CCNB2: variants seen among roughly 807,000 people sequenced by gnomAD.
CCNB2 encodes the protein G2/mitotic-specific cyclin-B2.
In CCNB2, 39 loss-of-function variants were observed where a neutral mutation model predicts 51.1. The ratio of observed to expected loss-of-function variants is 0.76; its 90% confidence interval spans 0.59 to 1.00. The LOEUF is 1.00. Among genes scored for constraint, CCNB2 ranks in the 50% least tolerant of loss-of-function variants. CCNB2 has a pLI of 0.00. For synonymous variants in CCNB2, 174 were observed against 165.5 expected (o/e 1.05, Z -0.40); for missense variants, 472 against 470.3 (o/e 1.00, Z -0.03).
chr15:59,111,860 T>C (rs537705218), intron 3 of CCNB2, among the ~76,000 whole-genome samples: 168 of 140,794 alleles, frequency 1.2e-3, no homozygotes, highest in East Asian at 0.01. Flanking sequence ...TTCTTTCTTT[T>C]TTTTTTTTTT....
At chr15:59,105,763 G>A (rs28383495) in intron 1 of CCNB2, among the ~76,000 whole-genome samples, 4,966 of 152,290 alleles carry the variant, frequency 0.033, 139 homozygotes, top group African/African-American at 0.073. Flanking sequence ...GTTTCATCAG[G>A]CAACTGCCAG....
intron 8 of CCNB2, 170 bp from the exon 9 acceptor site, chr15:59,124,579 TTAATGGGGATGGAAGGAA>T (rs2079317282): frequency 3.4e-6 from 2 of 591,600 alleles, no homozygotes; most frequent in Non-Finnish European, 6.0e-6. Flanking sequence ...GTTTTATTCA[TTAATGGGGATGGAAGGAA>T]ATGGTCAGGC....
intron 3 of CCNB2, 146 bp from the exon 4 acceptor site, chr15:59,114,298 C>G (rs753672822): frequency 6.8e-6 from 4 of 584,800 alleles, no homozygotes; most frequent in Non-Finnish European, 1.2e-5. Context: ...CATACTATAT[C>G]TTGAATTATT....
intron 5 of CCNB2, 56 bp from the exon 6 acceptor site, chr15:59,116,634 C>A: frequency 7.9e-7 from 1 of 1,270,762 alleles, no homozygotes. Flanking sequence ...CTTCTCCCAC[C>A]TAAAGCTTCA....
chr15:59,117,317 AGC>A lies in CCNB2; in HGVS notation c.925_926del (p.Ala309SerfsTer30), dbSNP rs2079283312. On this transcript the variant is annotated frameshift_variant, in exon 7 of 9. Coordinates refer to ENST00000288207, the MANE Select transcript of CCNB2 (RefSeq NM_004701.4). LOFTEE classifies it high-confidence loss of function. ...TGGTGCATTATCATCCTTCTAAGGT[AGC>A]AGCAGCTGCTTCCTGCTTGTCTCAG... ...DMVHYHPSKV[A>X]AAASCLSQKV... The A allele has an allele frequency of 6.2e-7, 1 of 1,613,986 alleles. No homozygotes were observed. Among genetic ancestry groups the A allele is most frequent in the East Asian group, 2.2e-5 (1 of 44,876 alleles).
intron 1 of CCNB2, among the ~76,000 whole-genome samples, chr15:59,106,812 G>A (rs761321461): frequency 5.3e-5 from 8 of 152,138 alleles, no homozygotes; most frequent in Non-Finnish European, 1.2e-4. Context: ...TCTTATTTGT[G>A]AAATGGCATA....
At chr15:59,107,706 G>A (rs1441325398) in intron 3 of CCNB2, 36 bp downstream of exon 3, 2 of 1,549,280 alleles carry the variant, frequency 1.3e-6, no homozygotes, top group South Asian at 2.2e-5. Context: ...TATTTAATGA[G>A]GTAGCCTGTT....
intron 6 of CCNB2, 117 bp downstream of exon 6, chr15:59,117,043 C>T: frequency 1.0e-6 from 1 of 991,374 alleles, no homozygotes; most frequent in Non-Finnish European, 1.5e-6. Context: ...AGTCTTAATG[C>T]TTTCCTCATC....
chr15:59,117,158 C>T (rs2079282521), intron 6 of CCNB2, 70 bp from the exon 7 acceptor site: 4 of 1,513,368 alleles, frequency 2.6e-6, no homozygotes, highest in South Asian at 1.1e-5. Context: ...GTTCCTAGGC[C>T]TTCACGCAGA....
intron 7 of CCNB2, among the ~76,000 whole-genome samples, chr15:59,119,587 T>C (rs1371763466): frequency 2.0e-5 from 3 of 152,202 alleles, no homozygotes; most frequent in Admixed American, 1.3e-4. Context: ...AGTAGGTTCA[T>C]TGTTAATAGT....
At chr15:59,110,819 A>T (rs186103636) in intron 3 of CCNB2, among the ~76,000 whole-genome samples, 2 of 152,138 alleles carry the variant, frequency 1.3e-5, no homozygotes, top group African/African-American at 4.8e-5. Context: ...GGTTTTGGAG[A>T]AAATGGTGTT....
chr15:59,109,343 G>T (rs1344729347), intron 3 of CCNB2, among the ~76,000 whole-genome samples: 1 of 152,100 alleles, frequency 6.6e-6, no homozygotes, highest in Non-Finnish European at 1.5e-5. Flanking sequence ...ATTTCAAATG[G>T]TTATTCTCCA....
In CCNB2 at chr15:59,123,531, G is replaced by A; in HGVS notation, c.990G>A (p.Gln330=). 10 of 1,610,142 alleles carry A rather than the reference G, an allele frequency of 6.2e-6. No homozygotes were observed. The highest frequency in any genetic ancestry group is 8.5e-6 in the Non-Finnish European group (10 of 1,176,428). The part of the protein sequence containing the change: ...LGQGKWNLKQ[Q]YYTGYTENEV... ...TTGTGTTTCAGAACTTAAAGCAGCA[G>A]TATTACACAGGATACACAGAGAATG... is the stretch of plus-strand genomic sequence containing the variant. Residue 330 remains glutamine (Q), a synonymous_variant, in exon 8 of 9, where the codon CAG becomes CAA. Transcript: ENST00000288207.
At chr15:59,113,246 GT>G (rs1366771153) in intron 3 of CCNB2, among the ~76,000 whole-genome samples, 1 of 152,084 alleles carries the variant, frequency 6.6e-6, no homozygotes, top group Non-Finnish European at 1.5e-5. Context: ...CTCCTTTTTA[GT>G]TGCCAGTTTT....
chr15:59,116,460 T>G (rs1408717313), intron 5 of CCNB2, among the ~76,000 whole-genome samples: 1 of 152,204 alleles, frequency 6.6e-6, no homozygotes, highest in Non-Finnish European at 1.5e-5. Flanking sequence ...CCTAGAATTT[T>G]TATGAGGATT....
In CCNB2 at chr15:59,107,678, G is replaced by T. The variant is rs369986119; in HGVS notation, c.267+8G>T. ...GAAAAGTTGGCTCCAAAGGTAGGAA[G>T]TTCTGAATTTACAAACGTATTTAAT... On this transcript the variant is annotated splice_region_variant and intron_variant, in intron 3 of 8. Coordinates refer to ENST00000288207, the MANE Select transcript of CCNB2 (RefSeq NM_004701.4). 2.1e-5 allele frequency: 34 copies of T among 1,608,722 alleles called. No homozygotes were observed. The highest frequency in any genetic ancestry group is 5.0e-5 in the Admixed American group (3 of 59,630).
chr15:59,117,494 G>T, intron 7 of CCNB2, 126 bp downstream of exon 7: 8 of 981,058 alleles, frequency 8.2e-6, no homozygotes, highest in South Asian at 1.6e-5. Flanking sequence ...TTTGAGACAG[G>T]GTCTCATTCT....
chr15:59,121,596 A>C (rs1429879203), intron 7 of CCNB2: 1 of 152,246 alleles, frequency 6.6e-6, no homozygotes, highest in Non-Finnish European at 1.5e-5. Context: ...CAGCAGTTTG[A>C]GACCAGCTGG....
intron 7 of CCNB2, among the ~76,000 whole-genome samples, chr15:59,122,901 T>C (rs970175718): frequency 9.2e-5 from 14 of 152,244 alleles, no homozygotes; most frequent in African/African-American, 2.9e-4. Flanking sequence ...TACTTGAATT[T>C]TACTCTTTGG....
Sources: allele counts gnomAD v4.1 joint callset (sites outside exome capture counted in the v4.1 genomes callset), GRCh38; gene constraint gnomAD v4.1.1; transcripts MANE v1.5; gene names NCBI Gene and HGNC (gene_info 2026-07-23, HGNC 2026-07-21).